The following ANK3 variants were observed in gnomAD, a reference collection of about 807,000 sequenced individuals.
The protein encoded by ANK3 is ankyrin-3.
ANK3 carries 57 observed loss-of-function variants against 370.9 expected under a neutral mutation model. The observed-to-expected ratio is 0.15, with a 90% CI of 0.12 to 0.19. ANK3 has a LOEUF of 0.19. Ranked by LOEUF, ANK3 falls within the 10% of genes least tolerant of loss-of-function variation. ANK3 has a pLI of 1.00. For synonymous variants in ANK3, 1,929 were observed against 1,946.3 expected, an observed-to-expected ratio of 0.99 and a Z score of 0.23; for missense variants, 4,439 against 5,302.1, an observed-to-expected ratio of 0.84 and a Z score of 5.06.
intron 2 of ANK3, among the ~76,000 whole-genome samples, chr10:60,395,102 G>C (rs1196271731): frequency 6.6e-6 from 1 of 152,152 alleles, no homozygotes; most frequent in African/African-American, 2.4e-5. Flanking sequence ...ACATGCAAGT[G>C]TGTTTGGAAC....
In ANK3 at chr10:60,071,278, G is replaced by A. The variant is rs150889156; in HGVS notation, c.9603C>T (p.Pro3201=). The A allele has an allele frequency of 1.4e-5, 22 of 1,614,074 alleles. No individual in the cohort carries two copies. Among genetic ancestry groups the A allele is most frequent in the Middle Eastern group, 1.7e-4 (1 of 6,060 alleles). ...AYIPGKPSPI[P]EVSEESEEEE... ...CCTCCTCTGACTCCTCAGAAACCTC[G>A]GGAATTGGGCTGGGTTTGCCTGGTA... The change falls in exon 37 of 44, where the codon CCC becomes CCT. Residue 3201 remains proline, a synonymous_variant. Transcript: ENST00000280772.
chr10:60,514,151 A>G (rs1001927238), intron 2 of ANK3, among the ~76,000 whole-genome samples: 2 of 152,208 alleles, frequency 1.3e-5, no homozygotes, highest in South Asian at 2.1e-4. Context: ...CATATGCAAA[A>G]TATGTGTTAG....
At chr10:60,502,399 A>G (rs1259136609) in intron 2 of ANK3, among the ~76,000 whole-genome samples, 1 of 152,256 alleles carries the variant, frequency 6.6e-6, no homozygotes, top group Non-Finnish European at 1.5e-5. Flanking sequence ...GTTATATTCT[A>G]GATCTTCCGT....
chr10:60,622,650 C>T (rs963019049), intron 1 of ANK3, among the ~76,000 whole-genome samples: 9 of 152,092 alleles, frequency 5.9e-5, no homozygotes, highest in African/African-American at 1.9e-4. Context: ...TAAATACATG[C>T]TCATTAAATA....
chr10:60,519,221 C>G (rs1429868209), intron 2 of ANK3, among the ~76,000 whole-genome samples: 3 of 152,128 alleles, frequency 2.0e-5, no homozygotes, highest in African/African-American at 7.2e-5. Flanking sequence ...AGCAAAGAGG[C>G]TGAGAAAGTT....
At chr10:60,541,371 G>A (rs1442361183) in intron 2 of ANK3, among the ~76,000 whole-genome samples, 1 of 151,904 alleles carries the variant, frequency 6.6e-6, no homozygotes, top group African/African-American at 2.4e-5. Flanking sequence ...TTGGTATTAA[G>A]CTCAATCTAT....
At chr10:60,566,654 C>T (rs914611671) in intron 2 of ANK3, among the ~76,000 whole-genome samples, 4 of 152,150 alleles carry the variant, frequency 2.6e-5, no homozygotes, top group Non-Finnish European at 4.4e-5. Flanking sequence ...TGGAGGATTG[C>T]TCGAGGCCAG....
At chr10:60,620,400 C>G (rs1316304279) in intron 1 of ANK3, among the ~76,000 whole-genome samples, 1 of 152,128 alleles carries the variant, frequency 6.6e-6, no homozygotes, top group Non-Finnish European at 1.5e-5. Flanking sequence ...CAAACATTAT[C>G]TTATCTAATC....
At chr10:60,426,407 T>A (rs1167163834) in intron 2 of ANK3, among the ~76,000 whole-genome samples, 2 of 152,254 alleles carry the variant, frequency 1.3e-5, no homozygotes, top group East Asian at 3.9e-4. Context: ...AAGCCTCCTG[T>A]GTTTCTTTCT....
intron 1 of ANK3, among the ~76,000 whole-genome samples, chr10:60,696,171 C>G (rs564128513): frequency 4.0e-5 from 6 of 149,650 alleles, no homozygotes; most frequent in South Asian, 2.2e-4. Flanking sequence ...ATAAATTCCT[C>G]GACACATACA....
At chr10:60,194,569 G>C (rs2096553665) in intron 16 of ANK3, among the ~76,000 whole-genome samples, 1 of 152,168 alleles carries the variant, frequency 6.6e-6, no homozygotes, top group Admixed American at 6.5e-5. Context: ...TATTATAGTA[G>C]AGTATGTCAG....
chr10:60,194,251 C>T (rs1337449390), intron 16 of ANK3, among the ~76,000 whole-genome samples: 1 of 152,172 alleles, frequency 6.6e-6, no homozygotes, highest in East Asian at 1.9e-4. Context: ...TGCTAAAATA[C>T]ACATAACAAA....
chr10:60,290,187 C>T (rs1024007729), intron 1 of ANK3, among the ~76,000 whole-genome samples: 6 of 152,130 alleles, frequency 3.9e-5, no homozygotes, highest in African/African-American at 1.4e-4. Flanking sequence ...CTATAATCTG[C>T]CGTCTGTCAG....
intron 1 of ANK3, among the ~76,000 whole-genome samples, chr10:60,312,733 T>A (rs71495636): frequency 0.1 from 15,211 of 152,288 alleles, 979 homozygotes; most frequent in Non-Finnish European, 0.15. Context: ...TAATTTCCAA[T>A]ATTCACAAAT....
chr10:60,114,525 T>C (rs1468555973), intron 25 of ANK3, among the ~76,000 whole-genome samples, 194 bp from the exon 26 acceptor site: 1 of 152,234 alleles, frequency 6.6e-6, no homozygotes, highest in Admixed American at 6.5e-5. Flanking sequence ...TATTGATGTA[T>C]TGTTTTATTT....
At chr10:60,129,151 T>C (rs544225876) in intron 25 of ANK3, among the ~76,000 whole-genome samples, 1 of 152,212 alleles carries the variant, frequency 6.6e-6, no homozygotes, top group African/African-American at 2.4e-5. Context: ...ACATTAGATG[T>C]TGACATACCA....
At chr10:60,669,643 C>A (rs1413841078) in intron 1 of ANK3, among the ~76,000 whole-genome samples, 2 of 152,202 alleles carry the variant, frequency 1.3e-5, no homozygotes, top group East Asian at 3.8e-4. Context: ...ACACTACATC[C>A]TGAAGCCCTG....
At chr10:60,240,281 C>CATAT (rs35855721) in intron 7 of ANK3, among the ~76,000 whole-genome samples, 22 of 88,344 alleles carry the variant, frequency 2.5e-4, no homozygotes, top group African/African-American at 7.0e-4. Context: ...TACACACACA[C>CATAT]ATATATATAT....
At chr10:60,058,603 A>G (rs1215916893) in intron 41 of ANK3, among the ~76,000 whole-genome samples, 1 of 152,228 alleles carries the variant, frequency 6.6e-6, no homozygotes, top group African/African-American at 2.4e-5. Context: ...CATGCGTAGA[A>G]GAAAATCCAC....
Sources: gnomAD v4.1 joint callset for allele counts (sites outside exome capture counted in the v4.1 genomes callset) on GRCh38, gnomAD v4.1.1 for gene constraint, MANE v1.5 for transcripts, NCBI Gene and HGNC (gene_info 2026-07-23, HGNC 2026-07-21) for gene names.